Variants in CACNB2 observed in about 807,000 individuals in gnomAD.
CACNB2 encodes calcium voltage-gated channel auxiliary subunit beta 2.
A neutral mutation model predicts 73.3 loss-of-function variants in CACNB2; 42 were observed. The ratio of observed to expected loss-of-function variants is 0.57; its 90% CI spans 0.45 to 0.74. The LOEUF (loss-of-function observed/expected upper bound fraction) is 0.74, where lower values mean the gene tolerates loss of function less well. Ranked by LOEUF, CACNB2 falls within the 30% of genes least tolerant of loss-of-function variation. The probability of loss-of-function intolerance (pLI) is 0.00; values close to 1 mark genes in which losing one functional copy is unlikely to be tolerated. For synonymous variants in CACNB2, 348 were observed against 310.3 expected, an observed-to-expected ratio of 1.12 and a Z score of -1.28; for missense variants, 940 against 853.0, an observed-to-expected ratio of 1.10 and a Z score of -1.27.
intron 2 of CACNB2, among the ~76,000 whole-genome samples, chr10:18,184,110 A>G (rs2034028938): frequency 6.6e-6 from 1 of 152,200 alleles, no homozygotes; most frequent in Admixed American, 6.5e-5. Flanking sequence ...GAAAGTATGG[A>G]TTTAATTTTA....
chr10:18,480,380 T>C (rs1040058641), intron 3 of CACNB2, among the ~76,000 whole-genome samples: 2 of 152,106 alleles, frequency 1.3e-5, no homozygotes, highest in African/African-American at 4.8e-5. Context: ...GACAAGCCCG[T>C]TGGTTTAATA....
rs113588804 is a variant in CACNB2, at chr10:18,495,300, G to A, written c.334-3055G>A. On this transcript the variant is annotated intron_variant, in intron 3 of 13. Transcript: ENST00000324631. ...GGTGCAATGATCTTTGCTCACTGCA[G>A]CCTCTGCCTCCCGGGTTCAAGTGAT... is the stretch of plus-strand genomic sequence containing the variant. Among the ~76,000 whole-genome samples the A allele has an allele frequency of 5.4e-3, 815 of 150,980 alleles. 7 individuals carry two copies. The highest frequency in any genetic ancestry group is 0.019 in the African/African-American group (781 of 41,116).
chr10:18,494,812 C>T (rs1252828067), intron 3 of CACNB2, among the ~76,000 whole-genome samples: 4 of 151,698 alleles, frequency 2.6e-5, no homozygotes, highest in Non-Finnish European at 4.4e-5. Flanking sequence ...ATGAAGACTA[C>T]ATCCTTAGGA....
chr10:18,219,999 T>C (rs761552046), intron 2 of CACNB2, among the ~76,000 whole-genome samples: 2 of 144,940 alleles, frequency 1.4e-5, no homozygotes, highest in Non-Finnish European at 3.0e-5. Flanking sequence ...ACTCCTGACC[T>C]CAACTGATCT....
intron 7 of CACNB2, among the ~76,000 whole-genome samples, chr10:18,515,597 T>C (rs147964883): frequency 8.9e-4 from 136 of 152,362 alleles, no homozygotes; most frequent in African/African-American, 3.1e-3. Flanking sequence ...ATTATGATTA[T>C]TTTAATAAGG....
chr10:18,534,447 T>A (rs963539674), intron 11 of CACNB2, among the ~76,000 whole-genome samples: 7 of 152,164 alleles, frequency 4.6e-5, no homozygotes, highest in African/African-American at 1.7e-4. Context: ...TGAGACACTT[T>A]TAGAGGGTCC....
At chr10:18,387,498 A>T (rs922873359) in intron 2 of CACNB2, among the ~76,000 whole-genome samples, 1 of 152,138 alleles carries the variant, frequency 6.6e-6, no homozygotes, top group Non-Finnish European at 1.5e-5. Context: ...TGAGTATTAC[A>T]TTCTACTGTA....
At position 18,302,589 on chromosome 10, in the gene CACNB2, C is replaced by T. The variant is rs1341417838; in HGVS notation, c.214-99335C>T. Among the ~76,000 whole-genome samples, 5 of 152,150 alleles carry T rather than the reference C, an allele frequency of 3.3e-5. No homozygotes were observed. In the East Asian group the frequency reaches 9.6e-4, roughly 29 times the overall value. On this transcript the variant is annotated intron_variant, in intron 2 of 13. Transcript: ENST00000324631. Reference sequence around the variant, plus strand: ...GATACTGTTATCCTAAGGGAAGTAACTCAGGGATGGGAAACCAAACATTAT... The same window carrying T: ...GATACTGTTATCCTAAGGGAAGTAATTCAGGGATGGGAAACCAAACATTAT...
chr10:18,429,376 C>T (rs920176445), intron 3 of CACNB2, among the ~76,000 whole-genome samples: 3 of 152,140 alleles, frequency 2.0e-5, no homozygotes, highest in Non-Finnish European at 4.4e-5. Flanking sequence ...GTTTATGTTT[C>T]ACTTTTTCCT....
intron 2 of CACNB2, among the ~76,000 whole-genome samples, chr10:18,317,253 T>TAAA (rs2040226516): frequency 6.6e-6 from 1 of 152,148 alleles, no homozygotes; most frequent in African/African-American, 2.4e-5. Flanking sequence ...TAAATCTTTT[T>TAAA]TAAAAGTTTA....
At chr10:18,370,786 C>T (rs893130924) in intron 2 of CACNB2, among the ~76,000 whole-genome samples, 3 of 152,178 alleles carry the variant, frequency 2.0e-5, no homozygotes, top group Non-Finnish European at 4.4e-5. Flanking sequence ...TATAATTAAA[C>T]TTTCTCCCAT....
chr10:18,421,200 T>G (rs1308796604), intron 3 of CACNB2, among the ~76,000 whole-genome samples: 2 of 146,950 alleles, frequency 1.4e-5, no homozygotes, highest in Non-Finnish European at 3.0e-5. Context: ...GCCCTTGACA[T>G]TTTTCTTTAA....
intron 2 of CACNB2, among the ~76,000 whole-genome samples, chr10:18,217,161 G>C (rs939401050): frequency 6.6e-6 from 1 of 152,048 alleles, no homozygotes; most frequent in Non-Finnish European, 1.5e-5. Flanking sequence ...CTTCCATTTT[G>C]GTTGGTAGAT....
intron 2 of CACNB2, among the ~76,000 whole-genome samples, chr10:18,383,405 C>T (rs995344744): frequency 1.3e-5 from 2 of 152,102 alleles, no homozygotes; most frequent in Admixed American, 6.6e-5. Flanking sequence ...ACAAAGGCAC[C>T]GTAAGAGTCT....
chr10:18,412,527 T>C (rs181298282), intron 3 of CACNB2, among the ~76,000 whole-genome samples: 2 of 152,230 alleles, frequency 1.3e-5, no homozygotes, highest in East Asian at 3.8e-4. Flanking sequence ...TCCATCTCTT[T>C]ACTGAGGGTC....
intron 2 of CACNB2, among the ~76,000 whole-genome samples, chr10:18,323,754 T>C (rs2040480538): frequency 6.6e-6 from 1 of 152,224 alleles, no homozygotes; most frequent in Admixed American, 6.5e-5. Context: ...ATAACTACAC[T>C]GAACAGAAAG....
At chr10:18,306,378 A>G (rs1247305024) in intron 2 of CACNB2, among the ~76,000 whole-genome samples, 1 of 152,186 alleles carries the variant, frequency 6.6e-6, no homozygotes, top group Admixed American at 6.5e-5. Context: ...GAAAGAATTA[A>G]GAATTAGAGG....
chr10:18,482,524 G>A (rs1369391620), intron 3 of CACNB2, among the ~76,000 whole-genome samples: 1 of 151,990 alleles, frequency 6.6e-6, no homozygotes, highest in Non-Finnish European at 1.5e-5. Flanking sequence ...TGTTTTGTTT[G>A]TTTTGAGATG....
At chr10:18,264,084 G>C (rs1187962816) in intron 2 of CACNB2, among the ~76,000 whole-genome samples, 3 of 152,200 alleles carry the variant, frequency 2.0e-5, no homozygotes, top group Non-Finnish European at 4.4e-5. Flanking sequence ...GGTAAGCTCT[G>C]TGTGCATTTC....
Sources: allele counts gnomAD v4.1 joint callset (sites outside exome capture counted in the v4.1 genomes callset), GRCh38; gene constraint gnomAD v4.1.1; transcripts MANE v1.5; gene names NCBI Gene and HGNC (gene_info 2026-07-23, HGNC 2026-07-21).